AGBL4: variants seen among roughly 807,000 people sequenced by gnomAD.
AGBL4 encodes AGBL carboxypeptidase 4.
In AGBL4, 58 loss-of-function variants were observed where a neutral mutation model predicts 66.4. That is an observed-to-expected ratio of 0.87 (90% CI 0.71 to 1.09). AGBL4 has a LOEUF of 1.09. Among genes scored for constraint, AGBL4 ranks in the 50% least tolerant of loss-of-function variants. The pLI is 0.00. For missense variants in AGBL4, 579 were observed against 631.0 expected (o/e 0.92, Z 0.88); for synonymous variants, 234 against 222.9 (o/e 1.05, Z -0.44).
intron 4 of AGBL4, among the ~76,000 whole-genome samples, chr1:49,233,385 T>C (rs1362919900): frequency 1.3e-5 from 2 of 152,080 alleles, no homozygotes; most frequent in Non-Finnish European, 2.9e-5. Flanking sequence ...CCAAAAGAAA[T>C]AGACTAAATA....
rs189772838 is a variant in AGBL4 at position 49,115,216 on chromosome 1, G to A, written c.378-69416C>T. On this transcript the variant is annotated intron_variant, in intron 4 of 13. Transcript: ENST00000371839. ...TGTTTGGGCTGGAAGTGTTCTTGGA[G>A]ATCATTCAGATAACTCTTCTGATTT... Among the ~76,000 whole-genome samples, 141 of 152,314 alleles carry A rather than the reference G, an allele frequency of 9.3e-4. 2 individuals carry two copies. Among genetic ancestry groups the A allele is most frequent in the Admixed American group, 9.1e-3 (139 of 15,288 alleles).
intron 3 of AGBL4, among the ~76,000 whole-genome samples, chr1:49,521,136 C>T (rs996111409): frequency 8.6e-5 from 13 of 151,982 alleles, no homozygotes; most frequent in South Asian, 2.1e-4. Flanking sequence ...ACATTTATAA[C>T]GTACATTTAT....
chr1:48,780,256 C>T (rs1487753045), intron 6 of AGBL4, among the ~76,000 whole-genome samples: 1 of 137,352 alleles, frequency 7.3e-6, no homozygotes, highest in African/African-American at 2.7e-5. Context: ...TCATTGTTCA[C>T]CTCCCACTTA....
chr1:49,349,612 T>G (rs1645707647), intron 3 of AGBL4, among the ~76,000 whole-genome samples: 1 of 152,162 alleles, frequency 6.6e-6, no homozygotes. Flanking sequence ...TTAACAGAAT[T>G]CGAAATCCTA....
At chr1:48,954,552 C>T (rs1304639599) in intron 5 of AGBL4, among the ~76,000 whole-genome samples, 5 of 152,140 alleles carry the variant, frequency 3.3e-5, no homozygotes, top group Non-Finnish European at 7.3e-5. Flanking sequence ...AAATGAGATA[C>T]TATGTAGAAA....
chr1:49,993,165 G>A (rs1416638833), intron 1 of AGBL4, among the ~76,000 whole-genome samples: 1 of 152,172 alleles, frequency 6.6e-6, no homozygotes, highest in Non-Finnish European at 1.5e-5. Context: ...TATTAAGTGG[G>A]ATATAGTGAC....
intron 3 of AGBL4, among the ~76,000 whole-genome samples, chr1:49,605,854 G>A (rs950330731): frequency 6.6e-6 from 1 of 151,916 alleles, no homozygotes; most frequent in Non-Finnish European, 1.5e-5. Context: ...TCCCTGTTGT[G>A]TTTATAATTC....
intron 1 of AGBL4, among the ~76,000 whole-genome samples, chr1:49,904,113 C>T (rs1379428590): frequency 6.6e-6 from 1 of 152,134 alleles, no homozygotes; most frequent in Admixed American, 6.6e-5. Flanking sequence ...TTCAAATACT[C>T]CTGCTCTTTC....
chr1:49,644,022 A>G (rs1645835899), intron 3 of AGBL4, among the ~76,000 whole-genome samples: 2 of 151,704 alleles, frequency 1.3e-5, no homozygotes, highest in Non-Finnish European at 3.0e-5. Flanking sequence ...TATAACACAG[A>G]AAGACAGAAT....
intron 4 of AGBL4, among the ~76,000 whole-genome samples, chr1:49,047,231 G>T (rs1220791781): frequency 6.6e-6 from 1 of 152,106 alleles, no homozygotes; most frequent in Non-Finnish European, 1.5e-5. Context: ...TCTGGTATTT[G>T]ATTATATTAG....
chr1:49,705,876 G>T (rs1196909355), intron 2 of AGBL4, among the ~76,000 whole-genome samples: 1 of 152,122 alleles, frequency 6.6e-6, no homozygotes, highest in South Asian at 2.1e-4. Flanking sequence ...AACCAGCCTT[G>T]TATCCCAGGG....
intron 4 of AGBL4, among the ~76,000 whole-genome samples, chr1:49,145,107 T>C (rs1484822661): frequency 6.6e-6 from 1 of 152,112 alleles, no homozygotes; most frequent in Non-Finnish European, 1.5e-5. Flanking sequence ...AGGATTTGAC[T>C]AGAGGAACTA....
chr1:49,850,344 G>A (rs1392445402), intron 2 of AGBL4, among the ~76,000 whole-genome samples: 1 of 152,120 alleles, frequency 6.6e-6, no homozygotes, highest in African/African-American at 2.4e-5. Context: ...ACATGGAACA[G>A]ATTCTTCCTC....
At chr1:48,834,904 A>T (rs1339519878) in intron 6 of AGBL4, among the ~76,000 whole-genome samples, 2 of 152,154 alleles carry the variant, frequency 1.3e-5, no homozygotes, top group East Asian at 1.9e-4. Context: ...TGGAGAGACC[A>T]TTCTTTCTTC....
chr1:49,454,014 C>T (rs188427441), intron 3 of AGBL4, among the ~76,000 whole-genome samples: 99 of 151,678 alleles, frequency 6.5e-4, no homozygotes, highest in Non-Finnish European at 1.1e-3. Context: ...ATTCCAGTAC[C>T]CCCATTCAAA....
chr1:49,227,481 G>A (rs745459948), intron 4 of AGBL4, among the ~76,000 whole-genome samples: 104 of 152,088 alleles, frequency 6.8e-4, no homozygotes, highest in Non-Finnish European at 1.4e-3. Flanking sequence ...AGATTTCTCA[G>A]GTGCATATCT....
At chr1:48,550,859 C>T (rs941953690) in intron 11 of AGBL4, among the ~76,000 whole-genome samples, 4 of 152,160 alleles carry the variant, frequency 2.6e-5, no homozygotes, top group Non-Finnish European at 4.4e-5. Context: ...TTTCAGAGTG[C>T]TTTTTGCTGG....
chr1:48,765,463 GC>G (rs1365730692), intron 6 of AGBL4, among the ~76,000 whole-genome samples: 1 of 152,224 alleles, frequency 6.6e-6, no homozygotes, highest in Non-Finnish European at 1.5e-5. Flanking sequence ...ATACATTCCT[GC>G]TGGGTATTGT....
chr1:49,772,204 G>A (rs1644081673), intron 2 of AGBL4, among the ~76,000 whole-genome samples: 1 of 152,072 alleles, frequency 6.6e-6, no homozygotes, highest in Admixed American at 6.5e-5. Flanking sequence ...AGTTATAACA[G>A]ACTATTTTAA....
Sources: allele counts gnomAD v4.1 joint callset (sites outside exome capture counted in the v4.1 genomes callset), GRCh38; gene constraint gnomAD v4.1.1; transcripts MANE v1.5; gene names NCBI Gene and HGNC (gene_info 2026-07-23, HGNC 2026-07-21).